The following DIP2B variants were observed in gnomAD, a reference collection of about 807,000 sequenced individuals.
The protein encoded by DIP2B is DIP2 acetate--CoA ligase B (putative), also known as disco-interacting protein 2 homolog B.
Under a neutral mutation model 198.0 loss-of-function variants are expected in DIP2B, and 76 were observed. The ratio of observed to expected loss-of-function variants is 0.38; its 90% CI spans 0.32 to 0.46. The LOEUF is 0.46. Among genes scored for constraint, DIP2B ranks in the 20% least tolerant of loss-of-function variants. The pLI is 0.99. For missense variants in DIP2B, 1,559 were observed against 1,978.4 expected (o/e 0.79, Z 4.02); for synonymous variants, 701 against 739.1 (o/e 0.95, Z 0.84).
At position 50,746,803 on chromosome 12, in the gene DIP2B, T is replaced by A. The variant is rs1467936681; in HGVS notation, c.*1964T>A. 6.6e-6 allele frequency: 1 copy of A among 152,180 alleles called. No individual in the cohort carries two copies. The highest frequency in any genetic ancestry group is 1.5e-5 in the Non-Finnish European group (1 of 68,032). 9.4% of individuals were successfully genotyped at this position (152,180 alleles called of 1,614,324 possible). The stretch of plus-strand genomic sequence containing the variant: ...ATGATCCACTAAACAAAGCAGGGGA[T>A]CCTGAAGCTGATATAAATAAGTCTA... On this transcript the variant is annotated 3_prime_UTR_variant, in exon 38 of 38. Coordinates refer to ENST00000301180, the MANE Select transcript of DIP2B (RefSeq NM_173602.3).
intron 1 of DIP2B, among the ~76,000 whole-genome samples, chr12:50,586,718 G>A (rs553806041): frequency 6.6e-6 from 1 of 152,156 alleles, no homozygotes; most frequent in South Asian, 2.1e-4. Context: ...GACTACAGGT[G>A]TATGCCACCA....
At position 50,698,465 on chromosome 12, in the gene DIP2B, G is replaced by A. The variant is rs763517635; in HGVS notation, c.2186G>A (p.Gly729Asp). The A allele has an allele frequency of 3.1e-6, 5 of 1,611,962 alleles. No homozygotes were observed. In the East Asian group the frequency reaches 8.9e-5, roughly 29 times the overall value. ...CAGGATGTAGGGCATGTAATGCCTG[G>A]TGGTGAGTCGCAAGGAGCATCATTT... ...TVQDVGHVMP[G>D]GMMCIVKPDG... The change falls in exon 18 of 38, where the codon GGT (glycine) becomes GAT (aspartate). Residue 729 changes from glycine (G) to aspartate (D), a missense_variant and splice_region_variant. Coordinates refer to ENST00000301180, the MANE Select transcript of DIP2B (RefSeq NM_173602.3).
rs1216312835 is a variant in DIP2B at position 50,537,426 on chromosome 12, TTGAG to T, written c.100+32190_100+32193del. On this transcript the variant is annotated intron_variant, in intron 1 of 37. Transcript: ENST00000301180. ...GTAAAAAATGGCCCAGATTTTGAGT[TTGAG>T]TGACCAGGCGAGTGATAGTGTGTTA... Among the ~76,000 whole-genome samples, 8 of 152,012 alleles carry T rather than the reference TTGAG, an allele frequency of 5.3e-5. No homozygotes were observed. The East Asian group carries it at 1.5e-3, about 29-fold the overall frequency.
In DIP2B at chr12:50,622,010, C is replaced by T. The variant is rs146315652; in HGVS notation, c.101-3966C>T. On this transcript the variant is annotated intron_variant, in intron 1 of 37. Coordinates refer to ENST00000301180, the MANE Select transcript of DIP2B (RefSeq NM_173602.3). ...GTCCCACGATCATTTACTGACATTGCCTGACTGAGACTTAAGCACTGAAGA... is the reference window on the plus strand; with the variant it reads ...GTCCCACGATCATTTACTGACATTGTCTGACTGAGACTTAAGCACTGAAGA... Among the ~76,000 whole-genome samples the T allele has an allele frequency of 4.6e-3, 700 of 152,234 alleles. 8 individuals are homozygous for T. Among genetic ancestry groups the T allele is most frequent in the African/African-American group, 0.016 (661 of 41,538 alleles).
intron 4 of DIP2B, among the ~76,000 whole-genome samples, chr12:50,668,505 A>T (rs567541462): frequency 6.6e-6 from 1 of 152,360 alleles, no homozygotes; most frequent in African/African-American, 2.4e-5. Context: ...GGGTAACTGA[A>T]TTGAAACAAT....
intron 1 of DIP2B, among the ~76,000 whole-genome samples, chr12:50,533,486 T>C (rs2139365957): frequency 6.6e-6 from 1 of 152,354 alleles, no homozygotes; most frequent in East Asian, 1.9e-4. Flanking sequence ...GCATGTGTTC[T>C]CTGTAAAGTG....
intron 1 of DIP2B, among the ~76,000 whole-genome samples, chr12:50,599,017 C>T (rs1025270831): frequency 1.5e-5 from 2 of 137,756 alleles, no homozygotes; most frequent in Admixed American, 7.4e-5. Flanking sequence ...TGGCTGGGCA[C>T]AGTGGCTCAG....
At chr12:50,739,615 C>G in intron 36 of DIP2B, 29 bp downstream of exon 36, 1 of 1,609,390 alleles carries the variant, frequency 6.2e-7, no homozygotes, top group Non-Finnish European at 8.5e-7. Context: ...CCCATTGACC[C>G]TGCTTTGTGT....
chr12:50,730,858 A>G (rs770802479), intron 30 of DIP2B, among the ~76,000 whole-genome samples: 1 of 152,180 alleles, frequency 6.6e-6, no homozygotes, highest in Non-Finnish European at 1.5e-5. Flanking sequence ...AGCTCAGTGA[A>G]GCACTACCAC....
Position 50,575,539 on chromosome 12 carries a change from C to T in DIP2B, c.101-50437C>T, listed in dbSNP as rs113511798. Among the ~76,000 whole-genome samples the T allele has an allele frequency of 1.4e-4, 22 of 152,234 alleles. 1 individual carries two copies. Among genetic ancestry groups the T allele is most frequent in the African/African-American group, 4.8e-4 (20 of 41,546 alleles). ...AGTCCCCAGCAGCTGAGACTACAGG[C>T]ACATGCCACTAGGCCTGGCTAATTT... On this transcript the variant is annotated intron_variant, in intron 1 of 37. Coordinates refer to ENST00000301180, the MANE Select transcript of DIP2B (RefSeq NM_173602.3).
At position 50,721,342 on chromosome 12, in the gene DIP2B, G is replaced by A. The variant is rs1939832890; in HGVS notation, c.3112G>A (p.Gly1038Ser). 6.2e-7 allele frequency: 1 copy of A among 1,614,146 alleles called. No individual in the cohort carries two copies. ...AGCAGAGAGGATTGCATCTGTTCTT[G>A]GTGATAAGGGACATCTAAATGCAGG... is the stretch of plus-strand genomic sequence containing the variant. Reference protein sequence around the residue: ...KRAERIASVLGDKGHLNAGDN... With the variant: ...KRAERIASVLSDKGHLNAGDN... Residue 1038 changes from glycine to serine, a missense_variant, in exon 26 of 38, where the codon GGT (glycine) becomes AGT (serine). Coordinates refer to ENST00000301180, the MANE Select transcript of DIP2B (RefSeq NM_173602.3).
chr12:50,734,336 TATC>T, intron 33 of DIP2B, 140 bp downstream of exon 33: 1 of 775,024 alleles, frequency 1.3e-6, no homozygotes, highest in East Asian at 2.6e-5. Flanking sequence ...AATTTGTTTT[TATC>T]ATTAATACAT....
At chr12:50,736,969 C>T (rs759950669) in intron 34 of DIP2B, 67 bp from the exon 35 acceptor site, 23 of 1,495,714 alleles carry the variant, frequency 1.5e-5, no homozygotes, top group Admixed American at 6.8e-5. Context: ...GGTAACTAAC[C>T]GTGCGTTTCC....
chr12:50,566,125 C>CT (rs1958561346), intron 1 of DIP2B, among the ~76,000 whole-genome samples: 1 of 152,172 alleles, frequency 6.6e-6, no homozygotes, highest in African/African-American at 2.4e-5. Flanking sequence ...TCATTGCAGC[C>CT]TCAACCTCCT....
At chr12:50,615,870 CTCTT>C (rs1189113650) in intron 1 of DIP2B, among the ~76,000 whole-genome samples, 1 of 152,220 alleles carries the variant, frequency 6.6e-6, no homozygotes, top group Non-Finnish European at 1.5e-5. Flanking sequence ...AGAACCCGTG[CTCTT>C]TCTATTGACT....
chr12:50,618,855 C>G (rs936652922), intron 1 of DIP2B, among the ~76,000 whole-genome samples: 2 of 152,156 alleles, frequency 1.3e-5, no homozygotes, highest in Non-Finnish European at 2.9e-5. Context: ...TTACCATTCT[C>G]TCCTTGCTCC....
chr12:50,697,053 C>T lies in DIP2B; in HGVS notation c.1934-8C>T, dbSNP rs1436469584. On this transcript the variant is annotated splice_polypyrimidine_tract_variant and splice_region_variant and intron_variant, in intron 16 of 37. Transcript: ENST00000301180. The stretch of plus-strand genomic sequence containing the variant: ...TCAGCTTCAGGTTGATCTGTTCCAA[C>T]TCCTTAGGGTCCGTGTCATCCTGTG... The T allele has an allele frequency of 1.2e-6, 2 of 1,610,626 alleles. No individual in the cohort carries two copies. The highest frequency in any genetic ancestry group is 1.3e-5 in the African/African-American group (1 of 74,776).
At chr12:50,614,842 T>TGTGGCA (rs1176184868) in intron 1 of DIP2B, among the ~76,000 whole-genome samples, 4 of 152,246 alleles carry the variant, frequency 2.6e-5, no homozygotes, top group Non-Finnish European at 5.9e-5. Flanking sequence ...ATCCCCATGC[T>TGTGGCA]GTGGCAGTGG....
rs543083039 is a variant in DIP2B, at chr12:50,683,893, C to T, written c.1317+645C>T. 7.2e-5 allele frequency among the ~76,000 whole-genome samples: 11 copies of T among 152,220 alleles called. No individual in the cohort carries two copies. The South Asian group carries it at 1.9e-3, about 26-fold the overall frequency. Reference sequence around the variant, plus strand: ...TTGGGAGATTGAGGTGGGCGGGTTGCGTGAGCCCAGAAGGTTGAGAGCAGC... The same window carrying T: ...TTGGGAGATTGAGGTGGGCGGGTTGTGTGAGCCCAGAAGGTTGAGAGCAGC... On this transcript the variant is annotated intron_variant, in intron 10 of 37. Coordinates refer to ENST00000301180, the MANE Select transcript of DIP2B (RefSeq NM_173602.3).
Sources: gnomAD v4.1 joint callset for allele counts (sites outside exome capture counted in the v4.1 genomes callset) on GRCh38, gnomAD v4.1.1 for gene constraint, MANE v1.5 for transcripts, NCBI Gene and HGNC (gene_info 2026-07-23, HGNC 2026-07-21) for gene names.